SLC24A2: variants seen among roughly 807,000 people sequenced by gnomAD.
SLC24A2 encodes the protein sodium/potassium/calcium exchanger 2.
A neutral mutation model predicts 62.0 loss-of-function variants in SLC24A2; 36 were observed. The ratio of observed to expected loss-of-function variants is 0.58; its 90% CI spans 0.44 to 0.77. The LOEUF (loss-of-function observed/expected upper bound fraction) is 0.77, where lower values mean the gene tolerates loss of function less well. Ranked by LOEUF, SLC24A2 falls within the 30% of genes least tolerant of loss-of-function variation. SLC24A2 has a pLI of 0.00. For missense variants in SLC24A2, 846 were observed against 817.9 expected (o/e 1.03, Z -0.42); for synonymous variants, 358 against 294.0 (o/e 1.22, Z -2.23).
chr9:19,869,699 C>A, the SLC24A2 span, among the ~76,000 whole-genome samples: 1 of 152,172 alleles, frequency 6.6e-6, no homozygotes, highest in East Asian at 1.9e-4. Flanking sequence ...TTCCTTTGTG[C>A]TATCCTTGTC....
At position 19,785,981 on chromosome 9, in the gene SLC24A2, G is replaced by A. The variant is rs79471093; in HGVS notation, c.886C>T (p.Arg296Cys). ...GCTGTCACCTTGACGACCTTATTGC[G>A]GTTTATCATTTGCTTCACCCATTTT... Reference protein sequence around the residue: ...VEKWVKQMINRNKVVKVTAPE... With the variant: ...VEKWVKQMINCNKVVKVTAPE... The change falls in exon 2 of 11, where the codon CGC (arginine) becomes TGC (cysteine). Residue 296 changes from arginine to cysteine, a missense_variant. Transcript: ENST00000341998. The A allele has an allele frequency of 9.2e-4, 1,492 of 1,614,020 alleles. 6 individuals carry two copies. Among genetic ancestry groups the A allele is most frequent in the East Asian group, 4.7e-3 (211 of 44,878 alleles).
chr9:19,612,609 G>A (rs1323594089), intron 4 of SLC24A2, among the ~76,000 whole-genome samples: 1 of 152,230 alleles, frequency 6.6e-6, no homozygotes, highest in East Asian at 1.9e-4. Context: ...GTGAAGGACA[G>A]AGCTGGGACT....
At chr9:19,560,084 C>T (rs916988473) in intron 7 of SLC24A2, among the ~76,000 whole-genome samples, 4 of 152,092 alleles carry the variant, frequency 2.6e-5, no homozygotes, top group Non-Finnish European at 5.9e-5. Flanking sequence ...AAAGCAAACC[C>T]CGAGTTCAGG....
the SLC24A2 span, among the ~76,000 whole-genome samples, chr9:20,119,157 T>G: frequency 6.6e-6 from 1 of 152,110 alleles, no homozygotes; most frequent in Non-Finnish European, 1.5e-5. Flanking sequence ...ACTAATAACC[T>G]AATCAAGCTT....
chr9:19,999,788 T>C, the SLC24A2 span, among the ~76,000 whole-genome samples: 877 of 151,938 alleles, frequency 5.8e-3, 7 homozygotes, highest in Non-Finnish European at 7.6e-3. Flanking sequence ...AGTCACAGAG[T>C]TTCATCAGGG....
chr9:19,785,121 T>C (rs1441186323), intron 2 of SLC24A2, among the ~76,000 whole-genome samples: 1 of 152,214 alleles, frequency 6.6e-6, no homozygotes, highest in East Asian at 1.9e-4. Context: ...TACGATTGTA[T>C]TGATGCCATT....
At chr9:20,042,030 G>C in the SLC24A2 span, among the ~76,000 whole-genome samples, 9 of 152,346 alleles carry the variant, frequency 5.9e-5, no homozygotes, top group East Asian at 1.5e-3. Context: ...GTGGTGGGGA[G>C]CCTGTCATCT....
upstream of SLC24A2, among the ~76,000 whole-genome samples, chr9:19,790,333 A>G (rs188368534): frequency 6.6e-6 from 1 of 152,304 alleles, no homozygotes; most frequent in East Asian, 1.9e-4. Flanking sequence ...AACAATTATG[A>G]ACTCATGGAC....
At chr9:20,066,020 T>C in the SLC24A2 span, among the ~76,000 whole-genome samples, 2 of 152,276 alleles carry the variant, frequency 1.3e-5, no homozygotes, top group African/African-American at 4.8e-5. Context: ...TATTAACAAA[T>C]GGCTTTAGAA....
the SLC24A2 span, among the ~76,000 whole-genome samples, chr9:19,797,815 C>T: frequency 1.1e-4 from 16 of 152,112 alleles, no homozygotes; most frequent in Admixed American, 3.9e-4. Context: ...TTTTTGCCAG[C>T]GTGGGAAGGG....
chr9:20,206,138 C>T, the SLC24A2 span, among the ~76,000 whole-genome samples: 1 of 152,080 alleles, frequency 6.6e-6, no homozygotes, highest in Admixed American at 6.6e-5. Context: ...GTTTTAGATT[C>T]CCCATTACAA....
In SLC24A2 at chr9:19,756,903, CT is replaced by C. The variant is rs780450451; in HGVS notation, c.930+29033del. Among the ~76,000 whole-genome samples the C allele has an allele frequency of 9.9e-4, 78 of 78,520 alleles. 1 individual carries two copies. The highest frequency in any genetic ancestry group is 8.5e-3 in the East Asian group (19 of 2,244). 51.5% of individuals were successfully genotyped at this position (78,520 alleles called of 152,430 possible). On this transcript the variant is annotated intron_variant, in intron 2 of 10. Coordinates refer to ENST00000341998, the MANE Select transcript of SLC24A2 (RefSeq NM_020344.4). The stretch of plus-strand genomic sequence containing the variant: ...GATATTCACACTTCTTTTACTGAAG[CT>C]TTTTTTTTTTTTTTTTTTTTTTAGA...
chr9:19,754,885 T>C (rs1822093352), intron 2 of SLC24A2, among the ~76,000 whole-genome samples: 1 of 152,128 alleles, frequency 6.6e-6, no homozygotes, highest in Non-Finnish European at 1.5e-5. Flanking sequence ...CATAGCACAC[T>C]GAGACCTAGC....
At chr9:20,258,137 T>A in the SLC24A2 span, among the ~76,000 whole-genome samples, 2 of 152,202 alleles carry the variant, frequency 1.3e-5, no homozygotes, top group Admixed American at 1.3e-4. Flanking sequence ...AGTCCTAACA[T>A]CCGGAACGGT....
intron 7 of SLC24A2, among the ~76,000 whole-genome samples, chr9:19,564,190 C>T (rs772512889): frequency 3.3e-5 from 5 of 150,744 alleles, no homozygotes; most frequent in Non-Finnish European, 5.9e-5. Flanking sequence ...CCTCAGAGAA[C>T]TAAATTTAAT....
chr9:19,760,473 C>T (rs1004536062), intron 2 of SLC24A2, among the ~76,000 whole-genome samples: 5 of 151,944 alleles, frequency 3.3e-5, no homozygotes, highest in African/African-American at 1.2e-4. Context: ...ACCCATCAAC[C>T]TGTCATCTAC....
At chr9:20,075,700 G>T in the SLC24A2 span, among the ~76,000 whole-genome samples, 3 of 21,964 alleles carry the variant, frequency 1.4e-4, no homozygotes, top group Non-Finnish European at 2.0e-4. Flanking sequence ...GAACAATCAG[G>T]GGGGGATACA....
At chr9:19,758,434 T>G (rs1288385588) in intron 2 of SLC24A2, among the ~76,000 whole-genome samples, 1 of 152,136 alleles carries the variant, frequency 6.6e-6, no homozygotes, top group Non-Finnish European at 1.5e-5. Flanking sequence ...GGAACAACCA[T>G]AAATAACCTG....
At chr9:19,895,727 C>T in the SLC24A2 span, 114 of 1,348,214 alleles carry the variant, frequency 8.5e-5, 3 homozygotes, top group African/African-American at 3.5e-4. Context: ...GCCTGGTGGT[C>T]GAGGCTGGAG....
Sources: allele counts gnomAD v4.1 joint callset (sites outside exome capture counted in the v4.1 genomes callset), GRCh38; gene constraint gnomAD v4.1.1; transcripts MANE v1.5; gene names NCBI Gene and HGNC (gene_info 2026-07-23, HGNC 2026-07-21).